ZFP30: variants seen among roughly 807,000 people sequenced by gnomAD.
ZFP30 encodes the protein ZFP30 zinc finger protein.
A neutral mutation model predicts 12.3 loss-of-function variants in ZFP30; 16 were observed. The observed-to-expected ratio is 1.30, with a 90% CI of 0.88 to 1.98. ZFP30 has a LOEUF of 1.98. ZFP30 is among the 30% of genes most tolerant of loss of function. ZFP30 has a pLI of 0.00. For missense variants in ZFP30, 560 were observed against 611.2 expected (o/e 0.92, Z 0.88); for synonymous variants, 172 against 201.0 (o/e 0.86, Z 1.22).
chr19:37,645,384 AC>A (rs2044523417), intron 3 of ZFP30, among the ~76,000 whole-genome samples: 1 of 151,976 alleles, frequency 6.6e-6, no homozygotes, highest in African/African-American at 2.4e-5. Context: ...TAAACAAAAG[AC>A]CAGGGTTTGG....
intron 3 of ZFP30, among the ~76,000 whole-genome samples, chr19:37,646,589 ACT>A (rs2044548745): frequency 6.6e-6 from 1 of 152,008 alleles, no homozygotes; most frequent in Non-Finnish European, 1.5e-5. Context: ...GCAGGGTCTC[ACT>A]CTGTCACCTA....
Position 37,633,663 on chromosome 19 carries a change from A to T in ZFP30, c.*1318T>A, listed in dbSNP as rs994784174. On this transcript the variant is annotated 3_prime_UTR_variant, in exon 6 of 6. Transcript: ENST00000684514. ...CCGGGCCCAGCCAGAAATTTTTTTTAAAATAATTCATTTTAAACTGGCTAT... is the reference window on the plus strand; with the variant it reads ...CCGGGCCCAGCCAGAAATTTTTTTTTAAATAATTCATTTTAAACTGGCTAT... 8.5e-5 allele frequency: 13 copies of T among 152,272 alleles called. No homozygotes were observed. The highest frequency in any genetic ancestry group is 2.2e-4 in the African/African-American group (9 of 41,550). 9.4% of individuals were successfully genotyped at this position (152,272 alleles called of 1,614,324 possible).
At chr19:37,639,395 A>C (rs2044391682) in intron 5 of ZFP30, among the ~76,000 whole-genome samples, 1 of 152,180 alleles carries the variant, frequency 6.6e-6, no homozygotes, top group African/African-American at 2.4e-5. Context: ...TAAAGGCTAA[A>C]ACATTCATAA....
intron 2 of ZFP30, among the ~76,000 whole-genome samples, chr19:37,652,122 C>A (rs1379607623): frequency 6.6e-6 from 1 of 152,144 alleles, no homozygotes; most frequent in African/African-American, 2.4e-5. Flanking sequence ...GAAGGTCTGT[C>A]AAACCAGAAG....
chr19:37,645,687 G>C (rs1453237859), intron 3 of ZFP30, among the ~76,000 whole-genome samples: 1 of 151,372 alleles, frequency 6.6e-6, no homozygotes, highest in African/African-American at 2.4e-5. Flanking sequence ...CATAGGAACA[G>C]TACTTGCAAA....
rs2044501906 is a variant in ZFP30 at position 37,644,553 on chromosome 19, C to T, written c.136+57G>A. ...GTCTTTGGAAAAAAACAAAGACAGC[C>T]CAGAAATTCAGTCCTGTGAATGTCT... On this transcript the variant is annotated intron_variant, in intron 4 of 5. Coordinates refer to ENST00000684514, the MANE Select transcript of ZFP30 (RefSeq NM_001320669.3). 3 of 1,087,914 alleles carry T rather than the reference C, an allele frequency of 2.8e-6. No individual in the cohort carries two copies. The East Asian group carries it at 8.3e-5, about 30-fold the overall frequency. The allele number at this position is 1,087,914 out of a possible 1,614,324, so 67.4% of individuals were successfully genotyped here.
Position 37,635,910 on chromosome 19 carries a change from C to T in ZFP30, c.631G>A (p.Asp211Asn), listed in dbSNP as rs762249265. 3.1e-6 allele frequency: 5 copies of T among 1,614,134 alleles called. No homozygotes were observed. Among genetic ancestry groups the T allele is most frequent in the Non-Finnish European group, 4.2e-6 (5 of 1,180,014 alleles). Residue 211 changes from aspartate (D) to asparagine (N), a missense_variant, in exon 6 of 6, where the codon GAC becomes AAC. Physicochemically the swap from Asp to Asn is conservative, Grantham distance 23 (BLOSUM62 1). Transcript: ENST00000684514. ...LSRHQRIHTS[D>N]KLYECKKCGK... Reference sequence around the variant, plus strand: ...CATTTTTTACATTCATAGAGTTTGTCAGAAGTATGAATTCTCTGATGTCGA... The same window carrying T: ...CATTTTTTACATTCATAGAGTTTGTTAGAAGTATGAATTCTCTGATGTCGA...
At chr19:37,653,027 G>A (rs1444329116) in intron 2 of ZFP30, among the ~76,000 whole-genome samples, 4 of 150,722 alleles carry the variant, frequency 2.7e-5, no homozygotes, top group African/African-American at 7.3e-5. Flanking sequence ...TGAGGCAGGA[G>A]AATCGCTTGA....
chr19:37,652,947 G>A (rs1051694356), intron 2 of ZFP30, among the ~76,000 whole-genome samples: 11 of 151,606 alleles, frequency 7.3e-5, no homozygotes, highest in Middle Eastern at 3.2e-3. Context: ...GTGAAACCCC[G>A]TCTCTACTAA....
At chr19:37,639,750 A>T (rs1014982892) in intron 5 of ZFP30, among the ~76,000 whole-genome samples, 1 of 151,998 alleles carries the variant, frequency 6.6e-6, no homozygotes, top group African/African-American at 2.4e-5. Flanking sequence ...CTAATAATCA[A>T]ATTAGAATAG....
intron 2 of ZFP30, among the ~76,000 whole-genome samples, chr19:37,648,693 A>C (rs2044589839): frequency 6.6e-6 from 1 of 152,188 alleles, no homozygotes; most frequent in Non-Finnish European, 1.5e-5. Context: ...CTGCTGGTCC[A>C]GATGCCACAC....
At chr19:37,650,431 C>T (rs1177226031) in intron 2 of ZFP30, among the ~76,000 whole-genome samples, 4 of 152,060 alleles carry the variant, frequency 2.6e-5, no homozygotes, top group African/African-American at 9.7e-5. Context: ...AAATTTTTAT[C>T]ACTTATACCT....
chr19:37,640,642 T>C (rs2044415538), intron 5 of ZFP30, among the ~76,000 whole-genome samples: 1 of 151,296 alleles, frequency 6.6e-6, no homozygotes, highest in South Asian at 2.1e-4. Flanking sequence ...ATACAAGCAC[T>C]CTGGCAGGCC....
At chr19:37,643,087 G>A (rs1011692070) in intron 5 of ZFP30, among the ~76,000 whole-genome samples, 178 bp downstream of exon 5, 8 of 150,420 alleles carry the variant, frequency 5.3e-5, no homozygotes, top group East Asian at 1.9e-4. Flanking sequence ...AAAAAGAAAC[G>A]AGTGATAAGT....
At chr19:37,649,742 T>G (rs966983355) in intron 2 of ZFP30, among the ~76,000 whole-genome samples, 10 of 151,282 alleles carry the variant, frequency 6.6e-5, no homozygotes. Flanking sequence ...GAGGATCGCC[T>G]GAGCCCAGGA....
At chr19:37,649,549 G>T (rs1325199479) in intron 2 of ZFP30, among the ~76,000 whole-genome samples, 1 of 152,164 alleles carries the variant, frequency 6.6e-6, no homozygotes, top group South Asian at 2.1e-4. Flanking sequence ...AAATTAAACA[G>T]CCGAGTGCAG....
intron 2 of ZFP30, among the ~76,000 whole-genome samples, chr19:37,654,228 C>T (rs1182275439): frequency 6.6e-6 from 1 of 152,106 alleles, no homozygotes; most frequent in East Asian, 1.9e-4. Context: ...AAATTCTTAA[C>T]CACTACACTA....
chr19:37,636,438 A>T, intron 5 of ZFP30, 133 bp from the exon 6 acceptor site: 1 of 905,194 alleles, frequency 1.1e-6, no homozygotes, highest in Non-Finnish European at 1.6e-6. Context: ...AATGGGCTCA[A>T]AATCTCTAAA....
chr19:37,634,991 T>C lies in ZFP30; in HGVS notation c.1550A>G (p.Asn517Ser), dbSNP rs2044290079. 6.5e-7 allele frequency: 1 copy of C among 1,545,124 alleles called. No homozygotes were observed. Among genetic ancestry groups the C allele is most frequent in the Non-Finnish European group, 8.7e-7 (1 of 1,149,004 alleles). ...GAGTTCTAATAATTATTAAGTTACATTATGAATTCGCTGATGGTAAGTAAG... is the reference window on the plus strand; with the variant it reads ...GAGTTCTAATAATTATTAAGTTACACTATGAATTCGCTGATGGTAAGTAAG... ...SHLTYHQRIH[N>S]VT The change falls in exon 6 of 6, where the codon AAT (asparagine) becomes AGT (serine). Residue 517 changes from asparagine to serine, a missense_variant. Coordinates refer to ENST00000684514, the MANE Select transcript of ZFP30 (RefSeq NM_001320669.3).
Sources: gnomAD v4.1 joint callset for allele counts (sites outside exome capture counted in the v4.1 genomes callset) on GRCh38, gnomAD v4.1.1 for gene constraint, MANE v1.5 for transcripts, NCBI Gene and HGNC (gene_info 2026-07-23, HGNC 2026-07-21) for gene names.